Variants in ZNF277 observed in about 807,000 individuals in gnomAD.
ZNF277 encodes zinc finger protein 277.
Under a neutral mutation model 60.7 loss-of-function variants are expected in ZNF277, and 55 were observed. The observed-to-expected ratio is 0.91, with a 90% confidence interval of 0.73 to 1.13. The LOEUF is 1.13. Among genes scored for constraint, ZNF277 ranks in the 50% most tolerant of loss-of-function variants. The pLI, the probability that ZNF277 is intolerant of heterozygous loss-of-function variation, is 0.00. For synonymous variants in ZNF277, 178 were observed against 179.3 expected (o/e 0.99, Z 0.06); for missense variants, 510 against 523.0 (o/e 0.98, Z 0.24).
chr7:112,250,431 G>A (rs1791178143), intron 1 of ZNF277, among the ~76,000 whole-genome samples: 2 of 152,092 alleles, frequency 1.3e-5, no homozygotes, highest in African/African-American at 4.8e-5. Flanking sequence ...ACCTTGTAAA[G>A]TACTTGATGT....
intron 4 of ZNF277, among the ~76,000 whole-genome samples, chr7:112,314,152 AATTTAGAG>A (rs1248650398): frequency 6.6e-6 from 1 of 152,148 alleles, no homozygotes; most frequent in East Asian, 1.9e-4. Context: ...TTTCACAGGC[AATTTAGAG>A]ATCATCTGAA....
intron 5 of ZNF277, among the ~76,000 whole-genome samples, chr7:112,320,361 GTTC>G (rs1166342767): frequency 2.0e-5 from 3 of 152,026 alleles, no homozygotes; most frequent in African/African-American, 7.2e-5. Context: ...ATAGTGTCTA[GTTC>G]TTATAAAACG....
intron 4 of ZNF277, among the ~76,000 whole-genome samples, chr7:112,317,025 A>G (rs894926236): frequency 9.2e-5 from 14 of 152,098 alleles, no homozygotes; most frequent in African/African-American, 2.9e-4. Flanking sequence ...GCTGGAAACC[A>G]TCATTCTCAG....
At chr7:112,337,890 C>A in intron 9 of ZNF277, 64 bp downstream of exon 9, 1 of 1,326,274 alleles carries the variant, frequency 7.5e-7, no homozygotes, top group Non-Finnish European at 1.1e-6. Context: ...GTAATTGTTG[C>A]ACCCTCATCT....
At chr7:112,256,304 T>A (rs1289637217) in intron 1 of ZNF277, among the ~76,000 whole-genome samples, 1 of 151,768 alleles carries the variant, frequency 6.6e-6, no homozygotes, top group Admixed American at 6.6e-5. Context: ...ATAAGAAAAA[T>A]CCCTTGAAGT....
chr7:112,290,014 T>C (rs1251576147), intron 2 of ZNF277, among the ~76,000 whole-genome samples: 1 of 152,210 alleles, frequency 6.6e-6, no homozygotes, highest in East Asian at 1.9e-4. Flanking sequence ...TTTAAATTTT[T>C]ATGGTTTCAC....
chr7:112,285,823 G>GAAA (rs906950963), intron 1 of ZNF277, among the ~76,000 whole-genome samples: 1 of 151,940 alleles, frequency 6.6e-6, no homozygotes, highest in African/African-American at 2.4e-5. Context: ...TAAAGTAAGG[G>GAAA]AAAAAAATAG....
chr7:112,229,666 A>G (rs776956264), intron 1 of ZNF277, among the ~76,000 whole-genome samples: 14 of 152,216 alleles, frequency 9.2e-5, no homozygotes, highest in African/African-American at 1.4e-4. Flanking sequence ...ATTAAGCACT[A>G]ATTATGTGCT....
intron 1 of ZNF277, among the ~76,000 whole-genome samples, chr7:112,212,113 G>A (rs1821764199): frequency 6.6e-6 from 1 of 152,172 alleles, no homozygotes; most frequent in Non-Finnish European, 1.5e-5. Context: ...AGCATTTAAG[G>A]ATAGTATTTC....
intron 1 of ZNF277, among the ~76,000 whole-genome samples, chr7:112,272,365 T>A (rs1791690468): frequency 6.7e-6 from 1 of 149,058 alleles, no homozygotes; most frequent in Admixed American, 6.6e-5. Context: ...TTAACTATTT[T>A]GAACAGTGCT....
intron 1 of ZNF277, among the ~76,000 whole-genome samples, chr7:112,234,584 G>A (rs1822435669): frequency 6.6e-6 from 1 of 152,106 alleles, no homozygotes; most frequent in Non-Finnish European, 1.5e-5. Flanking sequence ...GACCATAGCA[G>A]TTGCCAAATT....
At position 112,330,213 on chromosome 7, in the gene ZNF277, T is replaced by C; in HGVS notation, c.798T>C (p.Tyr266=). ...ATGACAGATTTTATGTCATCAATTA[T>C]TTGGTAAGGCTTTCTTTTCATAACT... ...REYDRFYVIN[Y]LELGKSWEEV... Residue 266 remains tyrosine, a synonymous_variant, in exon 7 of 12, where the codon TAT becomes TAC. Transcript: ENST00000361822. The C allele has an allele frequency of 1.9e-6, 3 of 1,612,394 alleles. No individual in the cohort carries two copies. The highest frequency in any genetic ancestry group is 2.5e-6 in the Non-Finnish European group (3 of 1,179,762).
intron 1 of ZNF277, among the ~76,000 whole-genome samples, chr7:112,232,770 T>G (rs1242990884): frequency 1.3e-5 from 2 of 152,222 alleles, no homozygotes; most frequent in African/African-American, 4.8e-5. Flanking sequence ...TGCTGAAGTT[T>G]TATCTATGGT....
At chr7:112,302,949 CTTTT>C (rs34593342) in intron 4 of ZNF277, among the ~76,000 whole-genome samples, 1 of 132,884 alleles carries the variant, frequency 7.5e-6, no homozygotes, top group Non-Finnish European at 1.6e-5. Context: ...GCAAATAGGC[CTTTT>C]TTTTTTTTTT....
rs116534313 is a variant in ZNF277 at position 112,268,257 on chromosome 7, C to T, written c.92-18616C>T. ...TACCATATGCCTGCATGCACACACA[C>T]GCACACACAAACACACACACACACA... On this transcript the variant is annotated intron_variant, in intron 1 of 11. Coordinates refer to ENST00000361822, the MANE Select transcript of ZNF277 (RefSeq NM_021994.3). Among the ~76,000 whole-genome samples the T allele has an allele frequency of 2.9e-3, 442 of 151,002 alleles. 4 individuals are homozygous for T. Among genetic ancestry groups the T allele is most frequent in the African/African-American group, 0.011 (433 of 40,604 alleles).
At position 112,337,774 on chromosome 7, in the gene ZNF277, T is replaced by A. The variant is rs567658588; in HGVS notation, c.914T>A (p.Leu305Ter). The A allele has an allele frequency of 6.2e-7, 1 of 1,612,740 alleles. No individual in the cohort carries two copies. Among genetic ancestry groups the A allele is most frequent in the African/African-American group, 1.3e-5 (1 of 75,042 alleles). The change falls in exon 9 of 12, where the codon TTA (leucine) becomes TAA (stop). Residue 305 changes from leucine to a stop codon, truncating the protein, a stop_gained. Transcript: ENST00000361822. LOFTEE classifies it high-confidence loss of function. ...GAACACCCTGCCTCTGCAGTCTGCT[T>A]ATTTTGTGAAAAGCAAGCAGAAACA... is the stretch of plus-strand genomic sequence containing the variant. ...WEEHPASAVCLFCEKQAETIE... is the reference protein window; with the variant it reads ...WEEHPASAVC
chr7:112,321,767 CTG>C (rs1792988079), intron 5 of ZNF277, among the ~76,000 whole-genome samples: 1 of 152,034 alleles, frequency 6.6e-6, no homozygotes, highest in Admixed American at 6.6e-5. Flanking sequence ...GAATTCTTGA[CTG>C]AGAGTCTTTT....
intron 5 of ZNF277, 77 bp downstream of exon 5, chr7:112,318,350 A>G (rs920073862): frequency 5.3e-6 from 7 of 1,327,094 alleles, no homozygotes; most frequent in Non-Finnish European, 7.5e-6. Context: ...TGTTGGTTAT[A>G]TAAATTAAGT....
chr7:112,222,159 G>GTC (rs1221115563), intron 1 of ZNF277, among the ~76,000 whole-genome samples: 9 of 152,170 alleles, frequency 5.9e-5, no homozygotes. Context: ...CTCTTGAAGT[G>GTC]TCCTTCTCTG....
Sources: gnomAD v4.1 joint callset for allele counts (sites outside exome capture counted in the v4.1 genomes callset) on GRCh38, gnomAD v4.1.1 for gene constraint, MANE v1.5 for transcripts, NCBI Gene and HGNC (gene_info 2026-07-23, HGNC 2026-07-21) for gene names.